The following ABLIM1 variants were observed in gnomAD, a reference collection of about 807,000 sequenced individuals.
The protein encoded by ABLIM1 is actin-binding LIM protein 1.
Under a neutral mutation model 107.0 loss-of-function variants are expected in ABLIM1, and 40 were observed. The observed-to-expected ratio is 0.37, with a 90% CI of 0.29 to 0.49. The LOEUF is 0.49. Ranked by LOEUF, ABLIM1 falls within the 20% of genes least tolerant of loss-of-function variation. ABLIM1 has a pLI of 0.97. For missense variants in ABLIM1, 857 were observed against 1,008.5 expected (o/e 0.85, Z 2.04); for synonymous variants, 357 against 357.3 (o/e 1.00, Z 0.01).
At chr10:114,569,734 T>C (rs2071367174) in intron 4 of ABLIM1, among the ~76,000 whole-genome samples, 1 of 152,178 alleles carries the variant, frequency 6.6e-6, no homozygotes, top group Non-Finnish European at 1.5e-5. Flanking sequence ...CTGTATCTCT[T>C]GTGTTTGGGG....
chr10:114,682,137 A>C (rs964602012), intron 1 of ABLIM1, among the ~76,000 whole-genome samples: 1 of 152,252 alleles, frequency 6.6e-6, no homozygotes, highest in Non-Finnish European at 1.5e-5. Flanking sequence ...GGAGACATAC[A>C]TGTCAGCAGT....
intron 8 of ABLIM1, among the ~76,000 whole-genome samples, chr10:114,479,750 T>G (rs1432984397): frequency 6.6e-6 from 1 of 152,176 alleles, no homozygotes; most frequent in East Asian, 1.9e-4. Flanking sequence ...GGTCATAAAA[T>G]TACTTTTTAA....
chr10:114,549,280 A>T (rs1197637509), intron 4 of ABLIM1, among the ~76,000 whole-genome samples: 2 of 152,182 alleles, frequency 1.3e-5, no homozygotes, highest in Non-Finnish European at 2.9e-5. Context: ...GCTACTCAGG[A>T]GGCTGAGGCA....
At chr10:114,597,052 G>A (rs1174137007) in intron 2 of ABLIM1, among the ~76,000 whole-genome samples, 3 of 152,252 alleles carry the variant, frequency 2.0e-5, no homozygotes, top group East Asian at 1.9e-4. Flanking sequence ...CCAAAAGCCC[G>A]GGCTTGTTTT....
intron 6 of ABLIM1, among the ~76,000 whole-genome samples, chr10:114,532,587 G>A (rs938528996): frequency 1.6e-4 from 24 of 152,148 alleles, no homozygotes; most frequent in African/African-American, 5.8e-4. Context: ...CCATCTCCTG[G>A]GCCCTGGGGA....
intron 1 of ABLIM1, chr10:114,631,808 G>A: frequency 8.1e-7 from 1 of 1,231,256 alleles, no homozygotes; most frequent in Non-Finnish European, 1.1e-6. Context: ...ATGTCCGCCC[G>A]GCTTTCGATT....
chr10:114,748,965 A>G (rs808313), intron 1 of ABLIM1, among the ~76,000 whole-genome samples: 16,821 of 151,948 alleles, frequency 0.11, 954 homozygotes, highest in Middle Eastern at 0.15. Flanking sequence ...GAGCCATCTC[A>G]CCCAGCAAGC....
rs773224800 is a variant in ABLIM1 at position 114,591,566 on chromosome 10, G to T, written c.379+10261C>A. ...TCATGAAATTAGAAGGATAAAAAAAGGATTAAAGAGAGAATACTTTCTCAC... is the reference window on the plus strand; with the variant it reads ...TCATGAAATTAGAAGGATAAAAAAATGATTAAAGAGAGAATACTTTCTCAC... On this transcript the variant is annotated intron_variant, in intron 2 of 22. Transcript: ENST00000533213. 8.5e-5 allele frequency among the ~76,000 whole-genome samples: 13 copies of T among 152,064 alleles called. No individual in the cohort carries two copies. The South Asian group carries it at 2.7e-3, about 31-fold the overall frequency.
chr10:114,568,040 A>C (rs1216328942), intron 4 of ABLIM1, among the ~76,000 whole-genome samples: 1 of 150,708 alleles, frequency 6.6e-6, no homozygotes, highest in East Asian at 1.9e-4. Context: ...AATACAAAAA[A>C]TTAGCCGGGC....
intron 11 of ABLIM1, among the ~76,000 whole-genome samples, chr10:114,466,701 A>G (rs1327916876): frequency 6.6e-6 from 1 of 152,230 alleles, no homozygotes; most frequent in Non-Finnish European, 1.5e-5. Context: ...GGTTGCCATA[A>G]AGCCGGTATT....
chr10:114,437,788 T>C lies in ABLIM1; in HGVS notation c.2223+56A>G, dbSNP rs1007292499. On this transcript the variant is annotated intron_variant, in intron 22 of 22. Coordinates refer to ENST00000533213, the MANE Select transcript of ABLIM1 (RefSeq NM_002313.7). ...AAATAAAACATTGCTTAGGGGAGAG[T>C]TGGGGGAGTGCATAGGGATCTGCAG... 8.9e-5 allele frequency: 127 copies of C among 1,424,898 alleles called. 3 individuals are homozygous for C. The South Asian group carries it at 1.4e-3, about 16-fold the overall frequency. 88.3% of individuals were successfully genotyped at this position (1,424,898 alleles called of 1,614,324 possible). A position where few individuals can be genotyped will look rare whatever the true frequency, so the allele number is the denominator to read the frequency against.
chr10:114,605,300 G>C (rs1472222371), intron 1 of ABLIM1, among the ~76,000 whole-genome samples: 1 of 152,180 alleles, frequency 6.6e-6, no homozygotes, highest in East Asian at 1.9e-4. Context: ...ATGTATGTTT[G>C]TTGACTCGAT....
chr10:114,621,832 G>A (rs964877376), intron 1 of ABLIM1, among the ~76,000 whole-genome samples: 2 of 152,182 alleles, frequency 1.3e-5, no homozygotes, highest in Non-Finnish European at 2.9e-5. Flanking sequence ...ATGTGATCAG[G>A]CCGCTACTAG....
chr10:114,604,870 T>C (rs1029876290), intron 1 of ABLIM1, among the ~76,000 whole-genome samples: 3 of 152,196 alleles, frequency 2.0e-5, no homozygotes, highest in Admixed American at 2.0e-4. Context: ...AAGGAAAATA[T>C]CACTTCACTT....
intron 1 of ABLIM1, among the ~76,000 whole-genome samples, chr10:114,625,009 G>A (rs1236241710): frequency 6.6e-6 from 1 of 152,182 alleles, no homozygotes. Flanking sequence ...TAGTGTGAAT[G>A]TCACTGATCA....
At chr10:114,580,720 T>G (rs1245625211) in intron 2 of ABLIM1, among the ~76,000 whole-genome samples, 3 of 152,234 alleles carry the variant, frequency 2.0e-5, no homozygotes, top group African/African-American at 7.2e-5. Flanking sequence ...AATTTTGGTC[T>G]GTTTGATATT....
At chr10:114,646,343 A>G (rs2079012378) in intron 1 of ABLIM1, among the ~76,000 whole-genome samples, 1 of 152,204 alleles carries the variant, frequency 6.6e-6, no homozygotes, top group South Asian at 2.1e-4. Flanking sequence ...CACAATTGAG[A>G]ACTAGGTGGG....
chr10:114,614,092 G>A (rs1397057289), intron 1 of ABLIM1, among the ~76,000 whole-genome samples: 1 of 152,098 alleles, frequency 6.6e-6, no homozygotes, highest in Non-Finnish European at 1.5e-5. Context: ...GGGACTGGGA[G>A]GAGAAGGGAG....
intron 4 of ABLIM1, among the ~76,000 whole-genome samples, chr10:114,555,921 G>T (rs1457540486): frequency 6.6e-6 from 1 of 151,866 alleles, no homozygotes; most frequent in Non-Finnish European, 1.5e-5. Context: ...CTATACACAT[G>T]GATAAAAAAT....
Sources: allele counts gnomAD v4.1 joint callset (sites outside exome capture counted in the v4.1 genomes callset), GRCh38; gene constraint gnomAD v4.1.1; transcripts MANE v1.5; gene names NCBI Gene and HGNC (gene_info 2026-07-23, HGNC 2026-07-21).